The following DNAJC1 variants were observed in gnomAD, a reference collection of about 807,000 sequenced individuals.
DNAJC1 encodes the protein DnaJ heat shock protein family (Hsp40) member C1.
Under a neutral mutation model 76.6 loss-of-function variants are expected in DNAJC1, and 58 were observed. That is an observed-to-expected ratio of 0.76 (90% CI 0.61 to 0.94). DNAJC1 has a LOEUF of 0.94. Ranked by LOEUF, DNAJC1 falls within the 40% of genes least tolerant of loss-of-function variation. The pLI, the probability that DNAJC1 is intolerant of heterozygous loss-of-function variation, is 0.00. For missense variants in DNAJC1, 689 were observed against 677.3 expected, an observed-to-expected ratio of 1.02 and a Z score of -0.19; for synonymous variants, 258 against 267.9, an observed-to-expected ratio of 0.96 and a Z score of 0.36.
intron 8 of DNAJC1, among the ~76,000 whole-genome samples, chr10:21,877,712 G>A (rs1836208517): frequency 6.6e-6 from 1 of 152,180 alleles, no homozygotes; most frequent in South Asian, 2.1e-4. Flanking sequence ...ATATCCTGCT[G>A]CTAAAGTATA....
chr10:21,797,410 G>T (rs1834761561), intron 9 of DNAJC1, among the ~76,000 whole-genome samples: 1 of 152,058 alleles, frequency 6.6e-6, no homozygotes, highest in Non-Finnish European at 1.5e-5. Context: ...TCTTTCTCAA[G>T]GTTGTTCTAG....
chr10:21,894,823 A>G (rs1836514712), intron 7 of DNAJC1, among the ~76,000 whole-genome samples: 1 of 152,212 alleles, frequency 6.6e-6, no homozygotes, highest in Admixed American at 6.5e-5. Context: ...TTCACACAGC[A>G]TGCTGTCCCC....
chr10:21,762,755 C>A (rs1490385870), intron 10 of DNAJC1, among the ~76,000 whole-genome samples: 3 of 152,102 alleles, frequency 2.0e-5, no homozygotes, highest in African/African-American at 7.2e-5. Flanking sequence ...GACTACAGGC[C>A]TACACCATCA....
chr10:21,776,096 A>T (rs778306341), intron 9 of DNAJC1, among the ~76,000 whole-genome samples: 1 of 152,136 alleles, frequency 6.6e-6, no homozygotes, highest in Non-Finnish European at 1.5e-5. Context: ...AAAAAACTAA[A>T]ATAGGTTGCA....
At chr10:21,863,076 G>A (rs1364883912) in intron 8 of DNAJC1, among the ~76,000 whole-genome samples, 1 of 152,084 alleles carries the variant, frequency 6.6e-6, no homozygotes, top group Non-Finnish European at 1.5e-5. Flanking sequence ...AGGTTGCAGT[G>A]TGCCGAGATC....
At chr10:21,964,783 A>T (rs186585843) in intron 1 of DNAJC1, among the ~76,000 whole-genome samples, 78 of 151,294 alleles carry the variant, frequency 5.2e-4, no homozygotes, top group Middle Eastern at 3.4e-3. Flanking sequence ...CTTGAAAGGC[A>T]GCTTCACTTG....
intron 8 of DNAJC1, among the ~76,000 whole-genome samples, chr10:21,846,309 C>T (rs764683219): frequency 8.1e-4 from 123 of 152,260 alleles, no homozygotes; most frequent in Admixed American, 1.9e-3. Context: ...ATACCTGCTA[C>T]TTTATTGGAA....
intron 8 of DNAJC1, chr10:21,865,619 T>A (rs181344912): frequency 5.3e-5 from 8 of 152,260 alleles, no homozygotes; most frequent in Admixed American, 5.2e-4. Flanking sequence ...GAGGAAAATC[T>A]ACATGTTCAA....
intron 7 of DNAJC1, among the ~76,000 whole-genome samples, chr10:21,897,478 C>A (rs1355665216): frequency 6.6e-6 from 1 of 152,152 alleles, no homozygotes; most frequent in African/African-American, 2.4e-5. Flanking sequence ...GTCCTCAACA[C>A]CCTGGGCCAT....
chr10:21,769,002 A>G (rs946925779), intron 9 of DNAJC1, among the ~76,000 whole-genome samples: 3 of 151,874 alleles, frequency 2.0e-5, no homozygotes, highest in African/African-American at 7.3e-5. Context: ...TTTCTATTCC[A>G]CTTGGCATTC....
intron 8 of DNAJC1, among the ~76,000 whole-genome samples, chr10:21,828,748 A>G (rs1835305455): frequency 6.6e-6 from 1 of 152,200 alleles, no homozygotes; most frequent in Non-Finnish European, 1.5e-5. Flanking sequence ...ACTCAGTAAC[A>G]TTTTTGGAAG....
At chr10:21,995,113 T>A (rs1157301054) in intron 1 of DNAJC1, among the ~76,000 whole-genome samples, 2 of 152,016 alleles carry the variant, frequency 1.3e-5, no homozygotes, top group East Asian at 3.9e-4. Context: ...AAAAATTTTC[T>A]AAAAGTCAGA....
At chr10:21,902,137 A>G (rs1164764386) in intron 7 of DNAJC1, among the ~76,000 whole-genome samples, 1 of 152,188 alleles carries the variant, frequency 6.6e-6, no homozygotes, top group Admixed American at 6.5e-5. Flanking sequence ...CTTATTATTC[A>G]CAGCATAGTA....
At chr10:21,917,977 A>G (rs1407914853) in intron 6 of DNAJC1, among the ~76,000 whole-genome samples, 3 of 151,982 alleles carry the variant, frequency 2.0e-5, no homozygotes, top group Non-Finnish European at 4.4e-5. Context: ...GAACTGAATT[A>G]GAATATTATC....
rs572904536 is a variant in DNAJC1, at chr10:21,869,058, T to G, written c.978+13224A>C. Among the ~76,000 whole-genome samples, 7 of 152,050 alleles carry G rather than the reference T, an allele frequency of 4.6e-5. No homozygotes were observed. The South Asian group carries it at 1.5e-3, about 32-fold the overall frequency. On this transcript the variant is annotated intron_variant, in intron 8 of 11. Transcript: ENST00000376980. ...TTTGTAGTGGCCCTACAAAGCCGTC[T>G]CTTGTGGGGAAAATTTGTATTCTGC... is the stretch of plus-strand genomic sequence containing the variant.
chr10:21,818,671 G>A (rs1013679384), intron 8 of DNAJC1, among the ~76,000 whole-genome samples: 7 of 152,078 alleles, frequency 4.6e-5, no homozygotes, highest in African/African-American at 1.2e-4. Flanking sequence ...CAACCTGGCC[G>A]ACGCTTAGGA....
chr10:21,939,996 T>C (rs934890719), intron 1 of DNAJC1, among the ~76,000 whole-genome samples: 7 of 143,586 alleles, frequency 4.9e-5, no homozygotes, highest in Non-Finnish European at 1.1e-4. Context: ...CGTGTGTGTA[T>C]ACAAGTGCAT....
At chr10:21,820,355 T>G (rs1448184674) in intron 8 of DNAJC1, among the ~76,000 whole-genome samples, 3 of 152,262 alleles carry the variant, frequency 2.0e-5, no homozygotes, top group Non-Finnish European at 2.9e-5. Context: ...TTCTACTTTT[T>G]GATTATTAAA....
chr10:21,905,957 T>G (rs559429614), intron 6 of DNAJC1, among the ~76,000 whole-genome samples: 1 of 152,284 alleles, frequency 6.6e-6, no homozygotes, highest in South Asian at 2.1e-4. Flanking sequence ...GACACTACTT[T>G]GACTCAGATG....
Sources: gnomAD v4.1 joint callset for allele counts (sites outside exome capture counted in the v4.1 genomes callset) on GRCh38, gnomAD v4.1.1 for gene constraint, MANE v1.5 for transcripts, NCBI Gene and HGNC (gene_info 2026-07-23, HGNC 2026-07-21) for gene names.